CNTN5: variants seen among roughly 807,000 people sequenced by gnomAD.
The protein encoded by CNTN5 is contactin-5.
In CNTN5, 77 loss-of-function variants were observed where a neutral mutation model predicts 129.1. The ratio of observed to expected loss-of-function variants is 0.60; its 90% CI spans 0.50 to 0.72. The LOEUF (loss-of-function observed/expected upper bound fraction) is 0.72. Ranked by LOEUF, CNTN5 falls within the 30% of genes least tolerant of loss-of-function variation. The pLI, the probability that CNTN5 is intolerant of heterozygous loss-of-function variation, is 0.00. For synonymous variants in CNTN5, 509 were observed against 465.6 expected, an observed-to-expected ratio of 1.09 and a Z score of -1.20; for missense variants, 1,478 against 1,328.8, an observed-to-expected ratio of 1.11 and a Z score of -1.75.
chr11:100,299,265 A>G lies in CNTN5; in HGVS notation c.2489A>G (p.Glu830Gly), dbSNP rs771720280. ...GWKEKMVTSS[E>G]ASKFIYRDES... ...AAGGAAAAAATGGTGACATCCTCTGAAGCTTCCAAATTCATTTATCGAGAT... is the reference window on the plus strand; with the variant it reads ...AAGGAAAAAATGGTGACATCCTCTGGAGCTTCCAAATTCATTTATCGAGAT... The change falls in exon 20 of 25, where the codon GAA becomes GGA. Residue 830 changes from glutamate to glycine, a missense_variant. By Grantham distance (98) the Glu-to-Gly change is moderately conservative. Transcript: ENST00000524871. 8 of 1,610,746 alleles carry G rather than the reference A, an allele frequency of 5.0e-6. No homozygotes were observed. In the South Asian group the frequency reaches 8.8e-5, roughly 18 times the overall value.
intron 1 of CNTN5, among the ~76,000 whole-genome samples, chr11:99,195,394 T>C (rs1177374413): frequency 6.6e-6 from 1 of 152,162 alleles, no homozygotes; most frequent in Non-Finnish European, 1.5e-5. Context: ...TATACATGGT[T>C]TAAATGAGAG....
At chr11:99,577,956 C>A (rs1949416125) in intron 3 of CNTN5, among the ~76,000 whole-genome samples, 1 of 150,724 alleles carries the variant, frequency 6.6e-6, no homozygotes, top group Non-Finnish European at 1.5e-5. Flanking sequence ...TTAGGTATAT[C>A]TCCTAATGCT....
intron 1 of CNTN5, among the ~76,000 whole-genome samples, chr11:99,157,471 T>G (rs1256094152): frequency 1.3e-5 from 2 of 152,110 alleles, no homozygotes; most frequent in Non-Finnish European, 2.9e-5. Context: ...GAGCTCATTT[T>G]TGGTATACAC....
chr11:99,663,227 G>A lies in CNTN5; in HGVS notation c.55+106958G>A, dbSNP rs1952660541. Reference sequence around the variant, plus strand: ...CTCATGCCTGTAATCCCAGCACTTTGGGAGGCCGAGGGCTGGCAGATCCTG... The same window carrying A: ...CTCATGCCTGTAATCCCAGCACTTTAGGAGGCCGAGGGCTGGCAGATCCTG... On this transcript the variant is annotated intron_variant, in intron 3 of 24. Transcript: ENST00000524871. 2.0e-5 allele frequency among the ~76,000 whole-genome samples: 3 copies of A among 152,296 alleles called. No homozygotes were observed. In the South Asian group the frequency reaches 6.2e-4, roughly 32 times the overall value.
intron 24 of CNTN5, among the ~76,000 whole-genome samples, chr11:100,352,130 G>C (rs1013517591): frequency 4.6e-5 from 7 of 151,532 alleles, no homozygotes; most frequent in African/African-American, 1.5e-4. Flanking sequence ...ATTAAGCCTA[G>C]TACCCATTAG....
intron 3 of CNTN5, among the ~76,000 whole-genome samples, chr11:99,761,431 A>G (rs1004416981): frequency 2.6e-5 from 4 of 151,902 alleles, no homozygotes; most frequent in African/African-American, 7.3e-5. Flanking sequence ...CCACCCCACA[A>G]CAGTCCCCAG....
chr11:99,902,865 G>T (rs142834294), intron 6 of CNTN5, among the ~76,000 whole-genome samples: 18 of 152,214 alleles, frequency 1.2e-4, no homozygotes, highest in African/African-American at 3.4e-4. Context: ...AGGAAAGAAA[G>T]AATTGGGCCA....
At chr11:99,062,173 C>T (rs1479890223) in intron 1 of CNTN5, among the ~76,000 whole-genome samples, 1 of 152,052 alleles carries the variant, frequency 6.6e-6, no homozygotes, top group African/African-American at 2.4e-5. Context: ...AGACCATGAA[C>T]CAGATTCAGA....
intron 3 of CNTN5, among the ~76,000 whole-genome samples, chr11:99,645,910 A>G (rs369854855): frequency 0.012 from 1,766 of 152,258 alleles, 35 homozygotes; most frequent in African/African-American, 0.04. Context: ...CAAACCTGCA[A>G]GTTTTGCACA....
chr11:100,356,578 T>A lies in CNTN5; in HGVS notation c.*358T>A, dbSNP rs199974899. 1.9e-5 allele frequency: 4 copies of A among 206,432 alleles called. No individual in the cohort carries two copies. The highest frequency in any genetic ancestry group is 1.9e-5 in the Non-Finnish European group (2 of 102,796). 12.8% of individuals were successfully genotyped at this position (206,432 alleles called of 1,614,324 possible). ...GTGTGCCATCCATTTGTTAAGTAAC[T>A]GGCCTTTAGCAGATCTGTTTCAAAA... On this transcript the variant is annotated 3_prime_UTR_variant, in exon 25 of 25. Transcript: ENST00000524871.
intron 6 of CNTN5, among the ~76,000 whole-genome samples, chr11:99,895,280 C>G (rs896127039): frequency 2.4e-4 from 36 of 152,190 alleles, no homozygotes; most frequent in African/African-American, 8.7e-4. Context: ...TCAATATTGA[C>G]ATTCCCTATA....
rs1424717225 is a variant in CNTN5 at position 99,553,848 on chromosome 11, T to C, written c.-70-2297T>C. 3.3e-5 allele frequency among the ~76,000 whole-genome samples: 5 copies of C among 151,978 alleles called. No individual in the cohort carries two copies. The South Asian group carries it at 6.2e-4, about 19-fold the overall frequency. ...AAGGGAGGAGAGCAAAAATAAAATA[T>C]AATGTAATTATGTATCTTAAAAAGA... On this transcript the variant is annotated intron_variant, in intron 2 of 24. Transcript: ENST00000524871.
At chr11:99,178,456 A>T (rs1857889945) in intron 1 of CNTN5, among the ~76,000 whole-genome samples, 1 of 148,070 alleles carries the variant, frequency 6.8e-6, no homozygotes, top group Non-Finnish European at 1.5e-5. Context: ...AGGAAATTAT[A>T]GCTGCAGTGA....
At chr11:99,227,678 T>C (rs17133333) in intron 1 of CNTN5, among the ~76,000 whole-genome samples, 2,629 of 152,298 alleles carry the variant, frequency 0.017, 41 homozygotes, top group African/African-American at 0.037. Context: ...GGGCTTAATA[T>C]AAAATGTATC....
intron 3 of CNTN5, among the ~76,000 whole-genome samples, chr11:99,596,662 G>A (rs1465194689): frequency 6.6e-6 from 1 of 152,074 alleles, no homozygotes; most frequent in African/African-American, 2.4e-5. Context: ...CATGTGGGAG[G>A]AAAAAACATA....
chr11:99,559,748 C>T (rs1046776101), intron 3 of CNTN5, among the ~76,000 whole-genome samples: 2 of 152,114 alleles, frequency 1.3e-5, no homozygotes, highest in African/African-American at 4.8e-5. Context: ...CAAAAACTAC[C>T]ATATAAGCGT....
chr11:100,304,237 T>A (rs974516378), intron 20 of CNTN5, among the ~76,000 whole-genome samples: 2 of 151,660 alleles, frequency 1.3e-5, no homozygotes, highest in African/African-American at 4.8e-5. Context: ...CATGGCCTAA[T>A]TAATATCATC....
intron 1 of CNTN5, among the ~76,000 whole-genome samples, chr11:99,309,862 T>C (rs1371522789): frequency 1.3e-5 from 2 of 152,190 alleles, no homozygotes; most frequent in South Asian, 2.1e-4. Context: ...AAAGTTATTG[T>C]ACTGCGTGAA....
intron 21 of CNTN5, among the ~76,000 whole-genome samples, chr11:100,319,604 G>A (rs968325388): frequency 1.3e-5 from 2 of 152,134 alleles, no homozygotes; most frequent in Admixed American, 6.6e-5. Flanking sequence ...TCCACTCTCA[G>A]CATTTTTAGA....
Sources: gnomAD v4.1 joint callset for allele counts (sites outside exome capture counted in the v4.1 genomes callset) on GRCh38, gnomAD v4.1.1 for gene constraint, MANE v1.5 for transcripts, NCBI Gene and HGNC (gene_info 2026-07-23, HGNC 2026-07-21) for gene names.